PTPRD: variants seen among roughly 807,000 people sequenced by gnomAD.
PTPRD encodes protein tyrosine phosphatase receptor type D.
In PTPRD, 34 loss-of-function variants were observed where a neutral mutation model predicts 214.5. The ratio of observed to expected loss-of-function variants is 0.16; its 90% confidence interval spans 0.12 to 0.21. PTPRD has a LOEUF of 0.21. Ranked by LOEUF, PTPRD falls within the 10% of genes least tolerant of loss-of-function variation. The pLI is 1.00. For synonymous variants in PTPRD, 1,128 were observed against 845.7 expected (o/e 1.33, Z -5.79); for missense variants, 2,545 against 2,398.7 (o/e 1.06, Z -1.27).
At chr9:8,444,974 A>G (rs1443167471) in intron 34 of PTPRD, among the ~76,000 whole-genome samples, 2 of 152,170 alleles carry the variant, frequency 1.3e-5, no homozygotes, top group Non-Finnish European at 2.9e-5. Context: ...TGCATCTTTT[A>G]TAAGTGAATA....
chr9:10,592,909 C>T (rs6474561), intron 2 of PTPRD, among the ~76,000 whole-genome samples: 38,394 of 151,786 alleles, frequency 0.25, 5,577 homozygotes, highest in Admixed American at 0.34. Context: ...GCAGCAGCAA[C>T]CTGCTCTTGT....
intron 2 of PTPRD, among the ~76,000 whole-genome samples, chr9:10,438,683 T>A (rs2098738614): frequency 6.6e-6 from 1 of 151,766 alleles, no homozygotes; most frequent in Admixed American, 6.6e-5. Flanking sequence ...GACCTCTGTA[T>A]TTACAGTTTG....
chr9:9,159,484 G>A (rs2099884450), intron 10 of PTPRD, among the ~76,000 whole-genome samples: 2 of 151,828 alleles, frequency 1.3e-5, no homozygotes, highest in Non-Finnish European at 2.9e-5. Context: ...AAAATATGTA[G>A]GTGTAAATTT....
At chr9:8,918,830 G>C (rs1035435721) in intron 11 of PTPRD, among the ~76,000 whole-genome samples, 4 of 152,034 alleles carry the variant, frequency 2.6e-5, no homozygotes, top group Middle Eastern at 3.2e-3. Context: ...ACAACAGATT[G>C]TATTACTATG....
At chr9:9,008,191 C>T (rs1335878283) in intron 11 of PTPRD, among the ~76,000 whole-genome samples, 3 of 127,888 alleles carry the variant, frequency 2.3e-5, no homozygotes, top group Non-Finnish European at 5.2e-5. Context: ...GTAACACAGG[C>T]CTTCTCCCCT....
At chr9:10,502,192 A>G (rs975068542) in intron 2 of PTPRD, among the ~76,000 whole-genome samples, 11 of 152,016 alleles carry the variant, frequency 7.2e-5, no homozygotes, top group African/African-American at 2.4e-4. Context: ...TGTCAAATTA[A>G]GGAAAACCTA....
intron 31 of PTPRD, among the ~76,000 whole-genome samples, chr9:8,470,207 C>T (rs552843112): frequency 6.6e-6 from 1 of 152,214 alleles, no homozygotes; most frequent in South Asian, 2.1e-4. Context: ...GTGAATTCTA[C>T]TCATTAACTT....
chr9:8,382,488 T>C (rs1156699510), intron 37 of PTPRD, among the ~76,000 whole-genome samples: 1 of 152,144 alleles, frequency 6.6e-6, no homozygotes, highest in African/African-American at 2.4e-5. Flanking sequence ...GAGGAATGCT[T>C]TGAGCCAGAA....
chr9:10,158,617 G>A lies in PTPRD; in HGVS notation c.-544-124827C>T, dbSNP rs145430970. ...AGGATTTAAAACCAGGGAGGAAACA[G>A]TTCCCTGGGCTGCAGATAAATAGAA... On this transcript the variant is annotated intron_variant, in intron 3 of 45. Coordinates refer to ENST00000381196, the MANE Select transcript of PTPRD (RefSeq NM_002839.4). Among the ~76,000 whole-genome samples the A allele has an allele frequency of 3.3e-3, 505 of 152,262 alleles. 4 individuals carry two copies. The highest frequency in any genetic ancestry group is 5.4e-3 in the Non-Finnish European group (368 of 68,018).
At chr9:8,848,313 C>CTCTTTTTTTTTTTTTTTTTTTTT in intron 11 of PTPRD, among the ~76,000 whole-genome samples, 1 of 132,668 alleles carries the variant, frequency 7.5e-6, no homozygotes, top group Non-Finnish European at 1.6e-5. Flanking sequence ...AAGATTTTTC[C>CTCTTTTTTTTTTTTTTTTTTTTT]TTTTTTTTTT....
Position 9,328,140 on chromosome 9 carries a change from T to C in PTPRD, c.-203+69309A>G, listed in dbSNP as rs2040769467. ...AGATTAAGTAGATTTGAATCCAACA[T>C]GACAAATCAAAAATTTAAAAGTTAG... is the stretch of plus-strand genomic sequence containing the variant. On this transcript the variant is annotated intron_variant, in intron 9 of 45. Coordinates refer to ENST00000381196, the MANE Select transcript of PTPRD (RefSeq NM_002839.4). Among the ~76,000 whole-genome samples the C allele has an allele frequency of 1.3e-5, 2 of 152,154 alleles. 1 individual carries two copies. Among genetic ancestry groups the C allele is most frequent in the South Asian group, 4.1e-4 (2 of 4,834 alleles).
At chr9:9,694,416 T>G (rs1198302301) in intron 7 of PTPRD, among the ~76,000 whole-genome samples, 1 of 151,950 alleles carries the variant, frequency 6.6e-6, no homozygotes, top group South Asian at 2.1e-4. Flanking sequence ...ATATGGAGTC[T>G]CTCTCTCTGT....
intron 4 of PTPRD, among the ~76,000 whole-genome samples, chr9:9,949,241 A>C (rs1203579166): frequency 6.6e-6 from 1 of 152,054 alleles, no homozygotes; most frequent in Admixed American, 6.6e-5. Flanking sequence ...AATGGTAGCC[A>C]TTTTCTAAAC....
intron 10 of PTPRD, among the ~76,000 whole-genome samples, chr9:9,152,594 G>A (rs576306503): frequency 3.5e-4 from 54 of 152,308 alleles, no homozygotes; most frequent in Non-Finnish European, 7.4e-4. Context: ...ATCATTGGGT[G>A]GTGGAGGTAG....
intron 36 of PTPRD, among the ~76,000 whole-genome samples, chr9:8,402,854 A>C (rs1166489946): frequency 2.0e-5 from 3 of 152,108 alleles, no homozygotes; most frequent in Non-Finnish European, 4.4e-5. Flanking sequence ...AATTTTAATA[A>C]ATTTAAATAA....
intron 3 of PTPRD, among the ~76,000 whole-genome samples, chr9:10,134,945 T>A (rs1564034047): frequency 6.6e-6 from 1 of 152,066 alleles, no homozygotes; most frequent in Non-Finnish European, 1.5e-5. Context: ...TCAATAAGAT[T>A]CAGGAGAAAG....
At chr9:9,916,418 G>A (rs573776613) in intron 5 of PTPRD, among the ~76,000 whole-genome samples, 1 of 151,922 alleles carries the variant, frequency 6.6e-6, no homozygotes, top group Non-Finnish European at 1.5e-5. Context: ...TCAATCAAAT[G>A]ATAGGTGTAC....
chr9:10,519,097 A>G (rs955266874), intron 2 of PTPRD, among the ~76,000 whole-genome samples: 1 of 151,892 alleles, frequency 6.6e-6, no homozygotes, highest in African/African-American at 2.4e-5. Context: ...TCAGACGAGA[A>G]ACTTGAAAGG....
intron 44 of PTPRD, among the ~76,000 whole-genome samples, chr9:8,326,698 T>C (rs1188626503): frequency 6.6e-6 from 1 of 151,414 alleles, no homozygotes; most frequent in Admixed American, 6.6e-5. Context: ...GGACTTTTTT[T>C]GGTTGCTAGG....
Sources: gnomAD v4.1 joint callset for allele counts (sites outside exome capture counted in the v4.1 genomes callset) on GRCh38, gnomAD v4.1.1 for gene constraint, MANE v1.5 for transcripts, NCBI Gene and HGNC (gene_info 2026-07-23, HGNC 2026-07-21) for gene names.